Variants in TBCD observed in about 807,000 individuals in gnomAD.
TBCD encodes the protein tubulin folding cofactor D, also known as tubulin-specific chaperone D.
In TBCD, 105 loss-of-function variants were observed where a neutral mutation model predicts 169.3. That is an observed-to-expected ratio of 0.62 (90% CI 0.53 to 0.73). The LOEUF (loss-of-function observed/expected upper bound fraction) is 0.73, where lower values mean the gene tolerates loss of function less well. Ranked by LOEUF, TBCD falls within the 30% of genes least tolerant of loss-of-function variation. The probability of loss-of-function intolerance (pLI) is 0.00; values close to 1 mark genes in which losing one functional copy is unlikely to be tolerated. For synonymous variants in TBCD, 700 were observed against 643.9 expected (o/e 1.09, Z -1.32); for missense variants, 1,444 against 1,600.1 (o/e 0.90, Z 1.66).
At position 82,945,323 on chromosome 17, in the gene TBCD, T is replaced by A. The variant is rs1018284659; in HGVS notation, c.*2860T>A. ...CCTTTGGGTAATTGGGGTCTCAGAATGAAATGAAATGATGCAGATATTCCA... is the reference window on the plus strand; with the variant it reads ...CCTTTGGGTAATTGGGGTCTCAGAAAGAAATGAAATGATGCAGATATTCCA... On this transcript the variant is annotated 3_prime_UTR_variant, in exon 39 of 39. Transcript: ENST00000355528. The A allele has an allele frequency of 1.1e-4, 17 of 152,168 alleles. No individual in the cohort carries two copies. Among genetic ancestry groups the A allele is most frequent in the African/African-American group, 4.1e-4 (17 of 41,426 alleles). The allele number at this position is 152,168 out of a possible 1,614,324, so 9.4% of individuals were successfully genotyped here. A position where few individuals can be genotyped will look rare whatever the true frequency, so the allele number is the denominator to read the frequency against.
chr17:82,817,725 G>T (rs1025850241), intron 13 of TBCD, among the ~76,000 whole-genome samples: 2 of 152,314 alleles, frequency 1.3e-5, no homozygotes, highest in East Asian at 3.9e-4. Flanking sequence ...GGGATTGTAG[G>T]CTGTACCTGG....
intron 13 of TBCD, among the ~76,000 whole-genome samples, chr17:82,847,356 G>GGAAAA (rs1236836895): frequency 2.4e-5 from 2 of 81,756 alleles, no homozygotes; most frequent in African/African-American, 9.2e-5. Context: ...CCATGTCAAA[G>GGAAAA]AAAAAAAAAA....
intron 13 of TBCD, among the ~76,000 whole-genome samples, chr17:82,826,519 A>C (rs1277479385): frequency 6.6e-6 from 1 of 151,164 alleles, no homozygotes; most frequent in Admixed American, 6.6e-5. Context: ...GGGCTCAAGC[A>C]ATCCTCCTGC....
intron 34 of TBCD, 135 bp from the exon 35 acceptor site, chr17:82,937,136 G>C (rs1029963104): frequency 1.4e-6 from 1 of 710,714 alleles, no homozygotes; most frequent in Admixed American, 2.6e-5. Context: ...CTTGCTGGCA[G>C]AGGGGCCTCA....
chr17:82,911,621 G>A (rs2060649733), intron 22 of TBCD, 137 bp from the exon 23 acceptor site: 6 of 792,446 alleles, frequency 7.6e-6, no homozygotes, highest in Middle Eastern at 2.4e-4. Context: ...ATAAAAGGTT[G>A]CTCATGCTCA....
chr17:82,767,079 G>A (rs1314544437), intron 4 of TBCD, among the ~76,000 whole-genome samples: 1 of 152,250 alleles, frequency 6.6e-6, no homozygotes, highest in African/African-American at 2.4e-5. Flanking sequence ...GACCTCATCA[G>A]GCAGGGCTTG....
chr17:82,785,774 A>G (rs1215102142), intron 7 of TBCD, among the ~76,000 whole-genome samples: 1 of 144,460 alleles, frequency 6.9e-6, no homozygotes, highest in Non-Finnish European at 1.5e-5. Flanking sequence ...GACTGGGACC[A>G]CTGGATCCCG....
intron 13 of TBCD, chr17:82,860,299 G>A (rs1490800028): frequency 3.3e-6 from 3 of 918,270 alleles, no homozygotes; most frequent in South Asian, 1.0e-4. Context: ...CCCCTGCATG[G>A]CGGTCACGCT....
chr17:82,778,397 T>C (rs577702494), intron 6 of TBCD, among the ~76,000 whole-genome samples: 1 of 152,316 alleles, frequency 6.6e-6, no homozygotes, highest in East Asian at 1.9e-4. Flanking sequence ...TTAACTGCCC[T>C]GGGCCCCTTT....
intron 5 of TBCD, among the ~76,000 whole-genome samples, chr17:82,770,713 C>T (rs1263452425): frequency 2.0e-5 from 3 of 151,586 alleles, no homozygotes; most frequent in Admixed American, 6.6e-5. Flanking sequence ...CTGTGATTGC[C>T]GTTAGAAAGC....
At chr17:82,852,559 T>C (rs1598942399) in intron 13 of TBCD, among the ~76,000 whole-genome samples, 1 of 152,154 alleles carries the variant, frequency 6.6e-6, no homozygotes, top group Admixed American at 6.5e-5. Flanking sequence ...TGTGTCTTGG[T>C]GTCCTTGTTT....
rs1422896489 is a variant in TBCD, at chr17:82,835,589, A to T, written c.1318+20655A>T. 1.3e-5 allele frequency among the ~76,000 whole-genome samples: 2 copies of T among 151,534 alleles called. No individual in the cohort carries two copies. The highest frequency in any genetic ancestry group is 2.9e-5 in the Non-Finnish European group (2 of 67,860). ...AGGTGCCTACCACCACGCCCAGCTA[A>T]TTTTTTTGTAATTTTAGTAGAGATG... On this transcript the variant is annotated intron_variant, in intron 13 of 38. Transcript: ENST00000355528. The surrounding 1 kb of genome is among the most constrained non-coding windows in gnomAD (Gnocchi z 4.5).
At chr17:82,856,010 T>C (rs994590189) in intron 13 of TBCD, among the ~76,000 whole-genome samples, 1 of 142,848 alleles carries the variant, frequency 7.0e-6, no homozygotes, top group African/African-American at 2.6e-5. Context: ...TTTTTTTTTT[T>C]TTTTTTTTGT....
chr17:82,930,739 G>C lies in TBCD; in HGVS notation c.3113+96G>C, dbSNP rs1291962080. On this transcript the variant is annotated intron_variant, in intron 33 of 38. Coordinates refer to ENST00000355528, the MANE Select transcript of TBCD (RefSeq NM_005993.5). The surrounding 1 kb of genome is among the most constrained non-coding windows in gnomAD (Gnocchi z 5.2). ...CCCGGGGTCTCGCAGGGTCTGTCTG[G>C]GGTCTGAAGGGAGAAGCGAGACACA... The C allele has an allele frequency of 1.3e-6, 2 of 1,559,634 alleles. No individual in the cohort carries two copies. The highest frequency in any genetic ancestry group is 1.7e-6 in the Non-Finnish European group (2 of 1,149,216).
rs779401949 is a variant in TBCD, at chr17:82,884,202, T to G, written c.1533T>G (p.Ser511=). The G allele has an allele frequency of 1.2e-6, 2 of 1,606,402 alleles. No individual in the cohort carries two copies. Among genetic ancestry groups the G allele is most frequent in the Admixed American group, 3.4e-5 (2 of 59,042 alleles). Residue 511 remains serine, a splice_region_variant and synonymous_variant, in exon 15 of 39, where the codon TCT becomes TCG. Coordinates refer to ENST00000355528, the MANE Select transcript of TBCD (RefSeq NM_005993.5). This position sits in a 1 kb window ranked among gnomAD's most constrained non-coding sequence, Gnocchi z 4.2. ...ACATAAACTGCAGAAGAGCAGCCTCTGTAAGTTTTCTCATTTTGATATTTC... is the reference window on the plus strand; with the variant it reads ...ACATAAACTGCAGAAGAGCAGCCTCGGTAAGTTTTCTCATTTTGATATTTC... ...DRDINCRRAA[S]AAFQENVGRQ... is the part of the protein sequence containing the mutation.
chr17:82,772,671 C>T (rs2048367162), intron 6 of TBCD, among the ~76,000 whole-genome samples, 164 bp downstream of exon 6: 1 of 152,180 alleles, frequency 6.6e-6, no homozygotes, highest in Non-Finnish European at 1.5e-5. Context: ...TGTTTGGGCA[C>T]AGAAGACCTC....
chr17:82,793,835 C>T (rs1049638330), intron 7 of TBCD, among the ~76,000 whole-genome samples: 1 of 152,012 alleles, frequency 6.6e-6, no homozygotes, highest in African/African-American at 2.4e-5. Context: ...GTGTGCTGAG[C>T]CTGCGGGGGC....
At chr17:82,897,517 C>A (rs377229619) in intron 17 of TBCD, among the ~76,000 whole-genome samples, 465 of 134,568 alleles carry the variant, frequency 3.5e-3, no homozygotes, top group East Asian at 4.8e-3. Flanking sequence ...GACTCCGTCT[C>A]AAAAAAAAAA....
In TBCD at chr17:82,805,890, C is replaced by T. The variant is rs770311488; in HGVS notation, c.966C>T (p.Cys322=). 1 of 1,609,356 alleles carries T rather than the reference C, an allele frequency of 6.2e-7. No homozygotes were observed. Among genetic ancestry groups the T allele is most frequent in the South Asian group, 1.1e-5 (1 of 91,018 alleles). Residue 322 remains cysteine, a synonymous_variant, in exon 10 of 39, where the codon TGC becomes TGT. Coordinates refer to ENST00000355528, the MANE Select transcript of TBCD (RefSeq NM_005993.5). ...KVAAWRYQRG[C]RSLAANLQLL... ...CTTTGCACAGGTACCAGCGTGGCTG[C>T]CGATCTTTGGCTGCAAATCTGCAGC... is the stretch of plus-strand genomic sequence containing the variant.
Sources: allele counts gnomAD v4.1 joint callset (sites outside exome capture counted in the v4.1 genomes callset), GRCh38; gene constraint gnomAD v4.1.1; non-coding constraint Gnocchi (gnomAD v3.1); transcripts MANE v1.5; gene names NCBI Gene and HGNC (gene_info 2026-07-23, HGNC 2026-07-21).